Variants in SLC10A7 observed in about 807,000 individuals in gnomAD.
SLC10A7 encodes sodium/bile acid cotransporter 7.
Under a neutral mutation model 43.2 loss-of-function variants are expected in SLC10A7, and 29 were observed. That is an observed-to-expected ratio of 0.67 (90% CI 0.50 to 0.92). SLC10A7 has a LOEUF of 0.92. Ranked by LOEUF, SLC10A7 falls within the 40% of genes least tolerant of loss-of-function variation. The pLI is 0.00. For missense variants in SLC10A7, 295 were observed against 403.2 expected, an observed-to-expected ratio of 0.73 and a Z score of 2.30; for synonymous variants, 152 against 144.8, an observed-to-expected ratio of 1.05 and a Z score of -0.35.
chr4:146,356,238 T>G (rs186395915), intron 5 of SLC10A7, among the ~76,000 whole-genome samples: 1 of 152,134 alleles, frequency 6.6e-6, no homozygotes, highest in East Asian at 1.9e-4. Context: ...GTTTATAACT[T>G]TACATTTATT....
At chr4:146,261,345 C>T (rs543182292) in intron 10 of SLC10A7, among the ~76,000 whole-genome samples, 1 of 152,344 alleles carries the variant, frequency 6.6e-6, no homozygotes. Flanking sequence ...AGTGCCCCTT[C>T]TCAGATGTCT....
Position 146,516,468 on chromosome 4 carries a change from ATGTATATGTG to A in SLC10A7, c.183+560_183+569del, listed in dbSNP as rs1266124243. Among the ~76,000 whole-genome samples, 8 of 147,730 alleles carry A rather than the reference ATGTATATGTG, an allele frequency of 5.4e-5. No individual in the cohort carries two copies. In the East Asian group the frequency reaches 1.6e-3, roughly 30 times the overall value. The stretch of plus-strand genomic sequence containing the variant: ...TTTTGACACATATATGTATGTGTAT[ATGTATATGTG>A]TATATATATACACATATACATATAC... On this transcript the variant is annotated intron_variant, in intron 2 of 11. Transcript: ENST00000335472.
intron 6 of SLC10A7, among the ~76,000 whole-genome samples, chr4:146,310,308 G>C (rs1731881664): frequency 6.6e-6 from 1 of 152,106 alleles, no homozygotes; most frequent in African/African-American, 2.4e-5. Flanking sequence ...CTTTTTGATA[G>C]AATGATTTAT....
At chr4:146,359,936 G>C (rs925409894) in intron 5 of SLC10A7, among the ~76,000 whole-genome samples, 1 of 152,034 alleles carries the variant, frequency 6.6e-6, no homozygotes. Flanking sequence ...AGTGTTTCCA[G>C]TCCCACTCTG....
chr4:146,348,498 TA>T (rs1439319383), intron 5 of SLC10A7, among the ~76,000 whole-genome samples: 4 of 152,210 alleles, frequency 2.6e-5, no homozygotes, highest in Non-Finnish European at 5.9e-5. Flanking sequence ...TCTCAGTACC[TA>T]CATAAATGTG....
At chr4:146,320,372 G>A (rs1732620018) in intron 6 of SLC10A7, among the ~76,000 whole-genome samples, 1 of 152,034 alleles carries the variant, frequency 6.6e-6, no homozygotes, top group Admixed American at 6.6e-5. Flanking sequence ...CCTAGGCTGG[G>A]TAAGATGGGA....
At chr4:146,438,197 T>C (rs929415898) in intron 5 of SLC10A7, among the ~76,000 whole-genome samples, 6 of 151,886 alleles carry the variant, frequency 4.0e-5, no homozygotes, top group Admixed American at 2.6e-4. Context: ...GACAGAACAA[T>C]TGGGTAAGGG....
At chr4:146,418,774 A>T (rs780464666) in intron 5 of SLC10A7, among the ~76,000 whole-genome samples, 1 of 152,142 alleles carries the variant, frequency 6.6e-6, no homozygotes, top group Non-Finnish European at 1.5e-5. Context: ...ACCTGCAGAG[A>T]GTGTCAGATC....
At position 146,392,690 on chromosome 4, in the gene SLC10A7, C is replaced by T. The variant is rs374575869; in HGVS notation, c.435+50093G>A. Among the ~76,000 whole-genome samples, 40 of 152,242 alleles carry T rather than the reference C, an allele frequency of 2.6e-4. No homozygotes were observed. The South Asian group carries it at 8.1e-3, about 31-fold the overall frequency. ...AAGGTCCCTTAAGAGATGAGCCAGA[C>T]CCCTCAATGCCTGGTGAAAGATTTT... On this transcript the variant is annotated intron_variant, in intron 5 of 11. Coordinates refer to ENST00000335472, the MANE Select transcript of SLC10A7 (RefSeq NM_001029998.6).
At chr4:146,484,518 G>A (rs1372854237) in intron 4 of SLC10A7, among the ~76,000 whole-genome samples, 1 of 152,016 alleles carries the variant, frequency 6.6e-6, no homozygotes, top group Non-Finnish European at 1.5e-5. Flanking sequence ...CAAACATAGA[G>A]AGATAGAGAA....
Position 146,255,619 on chromosome 4 carries a change from G to A in SLC10A7, c.*872C>T, listed in dbSNP as rs931909850. 1.1e-4 allele frequency: 17 copies of A among 152,282 alleles called. No individual in the cohort carries two copies. The highest frequency in any genetic ancestry group is 4.1e-4 in the African/African-American group (17 of 41,460). 9.4% of individuals were successfully genotyped at this position (152,282 alleles called of 1,614,324 possible). A position where few individuals can be genotyped will look rare whatever the true frequency, so the allele number is the denominator to read the frequency against. On this transcript the variant is annotated 3_prime_UTR_variant, in exon 12 of 12. Coordinates refer to ENST00000335472, the MANE Select transcript of SLC10A7 (RefSeq NM_001029998.6). ...ATCTGCGTAATAGGAAAAAAATTTGGTCTGGGTTGTGGAATGTGAATAGAA... is the reference window on the plus strand; with the variant it reads ...ATCTGCGTAATAGGAAAAAAATTTGATCTGGGTTGTGGAATGTGAATAGAA...
chr4:146,430,370 A>G (rs1029196996), intron 5 of SLC10A7, among the ~76,000 whole-genome samples: 2 of 152,238 alleles, frequency 1.3e-5, no homozygotes, highest in Admixed American at 1.3e-4. Flanking sequence ...GTGGATGACA[A>G]TGAAGAAGAT....
chr4:146,311,204 A>G (rs1194067673), intron 6 of SLC10A7, among the ~76,000 whole-genome samples: 2 of 152,140 alleles, frequency 1.3e-5, no homozygotes, highest in Non-Finnish European at 2.9e-5. Flanking sequence ...TTCAATCTAG[A>G]AACTATTTCA....
intron 4 of SLC10A7, among the ~76,000 whole-genome samples, chr4:146,498,379 A>C (rs1736103484): frequency 6.6e-6 from 1 of 152,014 alleles, no homozygotes; most frequent in Non-Finnish European, 1.5e-5. Context: ...CGGCCTCCCA[A>C]AGTCCTGGGA....
intron 6 of SLC10A7, among the ~76,000 whole-genome samples, chr4:146,310,440 T>C (rs1014872406): frequency 6.6e-6 from 1 of 152,178 alleles, no homozygotes; most frequent in African/African-American, 2.4e-5. Context: ...CCACTAATTG[T>C]GCATAAATAA....
intron 4 of SLC10A7, among the ~76,000 whole-genome samples, chr4:146,464,260 T>C (rs561779156): frequency 1.3e-5 from 2 of 152,306 alleles, no homozygotes; most frequent in South Asian, 4.1e-4. Flanking sequence ...GTTCACACTA[T>C]ATTAAGTGGA....
chr4:146,312,651 C>T (rs1215880823), intron 6 of SLC10A7, among the ~76,000 whole-genome samples: 1 of 152,036 alleles, frequency 6.6e-6, no homozygotes. Flanking sequence ...TTTTAGATTC[C>T]ACATATAAGT....
chr4:146,520,913 C>T (rs999717875), intron 1 of SLC10A7, among the ~76,000 whole-genome samples: 2 of 152,152 alleles, frequency 1.3e-5, no homozygotes, highest in African/African-American at 4.8e-5. Flanking sequence ...TCCCACTATT[C>T]AGAGATCTAA....
intron 4 of SLC10A7, among the ~76,000 whole-genome samples, chr4:146,445,417 CG>C (rs1730965478): frequency 6.6e-6 from 1 of 152,152 alleles, no homozygotes; most frequent in South Asian, 2.1e-4. Context: ...ACCTCTCTGG[CG>C]GGAGCAGGGT....
Sources: allele counts gnomAD v4.1 joint callset (sites outside exome capture counted in the v4.1 genomes callset), GRCh38; gene constraint gnomAD v4.1.1; transcripts MANE v1.5; gene names NCBI Gene and HGNC (gene_info 2026-07-23, HGNC 2026-07-21).